ABCC9: variants seen among roughly 807,000 people sequenced by gnomAD.
ABCC9 encodes the protein ATP binding cassette subfamily C member 9.
A neutral mutation model predicts 188.3 loss-of-function variants in ABCC9; 95 were observed. The ratio of observed to expected loss-of-function variants is 0.50; its 90% CI spans 0.43 to 0.60. The LOEUF (loss-of-function observed/expected upper bound fraction) is 0.60. ABCC9 is among the 20% of genes least tolerant of loss of function. ABCC9 has a pLI of 0.00. For missense variants in ABCC9, 1,102 were observed against 1,876.3 expected, an observed-to-expected ratio of 0.59 and a Z score of 7.62; for synonymous variants, 659 against 652.7, an observed-to-expected ratio of 1.01 and a Z score of -0.15.
At chr12:21,926,793 A>G (rs74067885) in intron 4 of ABCC9, among the ~76,000 whole-genome samples, 2,439 of 152,316 alleles carry the variant, frequency 0.016, 38 homozygotes, top group Middle Eastern at 0.058. Flanking sequence ...GCAATTCAGC[A>G]TGACTGCAAG....
At chr12:21,933,248 G>C (rs567218918) in intron 4 of ABCC9, among the ~76,000 whole-genome samples, 40 of 152,000 alleles carry the variant, frequency 2.6e-4, no homozygotes, top group Middle Eastern at 6.8e-3. Context: ...GGAGGAGGGA[G>C]AGGATCAGGA....
intron 30 of ABCC9, 97 bp from the exon 31 acceptor site, chr12:21,829,157 A>G: frequency 5.3e-6 from 4 of 750,952 alleles, no homozygotes; most frequent in South Asian, 2.8e-5. Context: ...CACAGTGACA[A>G]ACTGATGGCA....
intron 12 of ABCC9, among the ~76,000 whole-genome samples, chr12:21,896,542 A>G (rs543485026): frequency 2.6e-4 from 40 of 152,290 alleles, no homozygotes; most frequent in African/African-American, 9.6e-4. Flanking sequence ...TATTAAGCCC[A>G]GATGCATTAG....
chr12:21,819,137 C>G (rs1054835029), intron 31 of ABCC9, among the ~76,000 whole-genome samples: 8 of 152,008 alleles, frequency 5.3e-5, no homozygotes, highest in African/African-American at 1.9e-4. Context: ...ATCTCATTTC[C>G]CAGCGTTCTT....
At chr12:21,823,713 T>C (rs1425360194) in intron 31 of ABCC9, among the ~76,000 whole-genome samples, 2 of 152,178 alleles carry the variant, frequency 1.3e-5, no homozygotes, top group Non-Finnish European at 2.9e-5. Flanking sequence ...GCCAAAGAAC[T>C]GGAATTGTTT....
At chr12:21,896,248 T>G (rs1378325590) in intron 12 of ABCC9, among the ~76,000 whole-genome samples, 2 of 152,084 alleles carry the variant, frequency 1.3e-5, no homozygotes, top group East Asian at 3.9e-4. Flanking sequence ...AATCATCTGC[T>G]CTCAGGGATT....
intron 7 of ABCC9, 27 bp from the exon 8 acceptor site, chr12:21,913,093 A>AG: frequency 6.3e-7 from 1 of 1,578,588 alleles, no homozygotes; most frequent in Non-Finnish European, 8.6e-7. Flanking sequence ...GAAAAAAAAA[A>AG]CAGATGTAAC....
rs1948043667 is a variant in ABCC9, at chr12:21,906,297, C to A, written c.1456-9G>T. 4 of 1,602,524 alleles carry A rather than the reference C, an allele frequency of 2.5e-6. No homozygotes were observed. The South Asian group carries it at 3.3e-5, about 13-fold the overall frequency. On this transcript the variant is annotated splice_polypyrimidine_tract_variant and intron_variant, in intron 11 of 39. Coordinates refer to ENST00000261200, the MANE Select transcript of ABCC9 (RefSeq NM_020297.4). Reference sequence around the variant, plus strand: ...CTCTCAGTGGAATAATCCTATAAAACAAAGGAAGAAAAATAATACCAGCTG... The same window carrying A: ...CTCTCAGTGGAATAATCCTATAAAAAAAAGGAAGAAAAATAATACCAGCTG...
chr12:21,852,069 T>A (rs2307024), intron 24 of ABCC9, 28 bp downstream of exon 24: 22 of 1,612,488 alleles, frequency 1.4e-5, no homozygotes, highest in Non-Finnish European at 1.7e-5. Context: ...AATTGGGCTC[T>A]GAACTCTTCT....
intron 39 of ABCC9, among the ~76,000 whole-genome samples, chr12:21,802,537 T>C (rs552437052): frequency 6.6e-6 from 1 of 152,364 alleles, no homozygotes; most frequent in Admixed American, 6.5e-5. Context: ...AAATGATTCA[T>C]GATAACTTTT....
chr12:21,859,726 A>G, intron 21 of ABCC9, 60 bp from the exon 22 acceptor site: 1 of 1,391,612 alleles, frequency 7.2e-7, no homozygotes. Flanking sequence ...TCTTTTGGTA[A>G]TATGACCTTA....
chr12:21,914,759 T>C (rs913511275), intron 7 of ABCC9, among the ~76,000 whole-genome samples: 4 of 152,138 alleles, frequency 2.6e-5, no homozygotes, highest in African/African-American at 9.7e-5. Context: ...CCTCATGTAT[T>C]AATGGAGCAA....
intron 30 of ABCC9, among the ~76,000 whole-genome samples, chr12:21,833,846 C>T (rs1216731948): frequency 2.0e-5 from 3 of 152,160 alleles, no homozygotes; most frequent in Non-Finnish European, 2.9e-5. Context: ...ACTGTCCCAT[C>T]CCGCCTATAT....
intron 22 of ABCC9, among the ~76,000 whole-genome samples, chr12:21,853,203 A>C (rs372615390): frequency 6.0e-4 from 91 of 152,188 alleles, no homozygotes; most frequent in South Asian, 1.7e-3. Flanking sequence ...AATCCCAGCT[A>C]CTTGGGAGGT....
At chr12:21,909,558 A>C (rs192247122) in intron 10 of ABCC9, among the ~76,000 whole-genome samples, 5 of 152,106 alleles carry the variant, frequency 3.3e-5, no homozygotes, top group African/African-American at 1.2e-4. Context: ...ATGTTATTTT[A>C]CATAGGAAAT....
chr12:21,902,843 G>A (rs1947834719), intron 12 of ABCC9, among the ~76,000 whole-genome samples: 1 of 152,172 alleles, frequency 6.6e-6, no homozygotes, highest in South Asian at 2.1e-4. Flanking sequence ...TGGATTCACA[G>A]CTGAATTCTA....
Position 21,801,197 on chromosome 12 carries a change from A to G in ABCC9, c.4513-16T>C. The G allele has an allele frequency of 6.2e-7, 1 of 1,613,682 alleles. No individual in the cohort carries two copies. The highest frequency in any genetic ancestry group is 8.5e-7 in the Non-Finnish European group (1 of 1,179,852). The stretch of plus-strand genomic sequence containing the variant: ...GTACTCGATGCTGTGAGTGAAAAGA[A>G]AACATGTATTTGTTACACATTTCAG... On this transcript the variant is annotated splice_polypyrimidine_tract_variant and intron_variant, in intron 39 of 39. Coordinates refer to ENST00000261200, the MANE Select transcript of ABCC9 (RefSeq NM_020297.4).
intron 28 of ABCC9, among the ~76,000 whole-genome samples, chr12:21,843,194 T>A (rs921179442): frequency 2.0e-5 from 3 of 152,200 alleles, no homozygotes. Context: ...CTTTATAGCT[T>A]TATGTTTTAA....
chr12:21,825,119 C>A (rs1943293646), intron 31 of ABCC9, among the ~76,000 whole-genome samples: 1 of 152,078 alleles, frequency 6.6e-6, no homozygotes, highest in Non-Finnish European at 1.5e-5. Flanking sequence ...GTTAGAATGG[C>A]AATCATTAAA....
Sources: allele counts gnomAD v4.1 joint callset (sites outside exome capture counted in the v4.1 genomes callset), GRCh38; gene constraint gnomAD v4.1.1; transcripts MANE v1.5; gene names NCBI Gene and HGNC (gene_info 2026-07-23, HGNC 2026-07-21).